Variants in HIVEP2 observed in about 807,000 individuals in gnomAD.
HIVEP2 encodes transcription factor HIVEP2.
A neutral mutation model predicts 180.7 loss-of-function variants in HIVEP2; 14 were observed. The observed-to-expected ratio is 0.08, with a 90% CI of 0.05 to 0.12. The LOEUF (loss-of-function observed/expected upper bound fraction) is 0.12. Among genes scored for constraint, HIVEP2 ranks in the 10% least tolerant of loss-of-function variants. The pLI, the probability that HIVEP2 is intolerant of heterozygous loss-of-function variation, is 1.00. For missense variants in HIVEP2, 2,579 were observed against 3,008.5 expected (o/e 0.86, Z 3.34); for synonymous variants, 1,184 against 1,136.4 (o/e 1.04, Z -0.84).
chr6:142,845,479 C>T (rs1318985353), intron 1 of HIVEP2, among the ~76,000 whole-genome samples: 6 of 152,042 alleles, frequency 3.9e-5, no homozygotes, highest in African/African-American at 1.5e-4. Flanking sequence ...AGGCGTAGTC[C>T]CATTTTTTTC....
chr6:142,804,891 T>C (rs1001212724), intron 2 of HIVEP2, among the ~76,000 whole-genome samples: 2 of 152,092 alleles, frequency 1.3e-5, no homozygotes, highest in African/African-American at 4.8e-5. Context: ...AGATAATTAT[T>C]GTGAATAGAC....
At chr6:142,932,523 G>A (rs576721432) in intron 1 of HIVEP2, among the ~76,000 whole-genome samples, 31 of 152,042 alleles carry the variant, frequency 2.0e-4, no homozygotes, top group Admixed American at 1.4e-3. Flanking sequence ...CTGATCCCTG[G>A]GAAATTAATA....
At position 142,777,785 on chromosome 6, in the gene HIVEP2, T is replaced by C. The variant is rs192841849; in HGVS notation, c.-432-1594A>G. ...TAATTTTTGTTTATTTTTCTTAACA[T>C]GAGCATGTTTATCTTTTTAAATAAA... On this transcript the variant is annotated intron_variant, in intron 3 of 9. Coordinates refer to ENST00000367603, the MANE Select transcript of HIVEP2 (RefSeq NM_006734.4). 9.9e-5 allele frequency among the ~76,000 whole-genome samples: 15 copies of C among 151,978 alleles called. No individual in the cohort carries two copies. The East Asian group carries it at 2.5e-3, about 25-fold the overall frequency.
At chr6:142,823,658 G>C (rs1359292931) in intron 2 of HIVEP2, among the ~76,000 whole-genome samples, 1 of 152,162 alleles carries the variant, frequency 6.6e-6, no homozygotes, top group Admixed American at 6.5e-5. Context: ...TTAATAATTA[G>C]AGCAGCATTT....
chr6:142,759,144 A>T (rs1331720170), intron 9 of HIVEP2, among the ~76,000 whole-genome samples: 2 of 151,780 alleles, frequency 1.3e-5, no homozygotes, highest in Non-Finnish European at 1.5e-5. Flanking sequence ...TCTACCAATA[A>T]ATACAAAAAT....
In HIVEP2 at chr6:142,791,331, CAGAGGG is replaced by C. The variant is rs1294709047; in HGVS notation, c.-527-7722_-527-7717del. ...GCTTGAACAACCAGGAAAGACTAGACAGAGGGAAGGGGCTCAAGTGGAAGCCATGAT... is the reference window on the plus strand; with the variant it reads ...GCTTGAACAACCAGGAAAGACTAGACAAGGGGCTCAAGTGGAAGCCATGAT... On this transcript the variant is annotated intron_variant, in intron 2 of 9. Transcript: ENST00000367603. 5.6e-3 allele frequency among the ~76,000 whole-genome samples: 851 copies of C among 152,262 alleles called. 5 individuals carry two copies. Among genetic ancestry groups the C allele is most frequent in the Non-Finnish European group, 9.3e-3 (631 of 68,008 alleles).
chr6:142,900,842 T>C (rs1199690012), intron 1 of HIVEP2, among the ~76,000 whole-genome samples: 2 of 152,062 alleles, frequency 1.3e-5, no homozygotes, highest in Admixed American at 6.6e-5. Flanking sequence ...TTGAGGTTTT[T>C]CCCCCCAAAC....
chr6:142,818,224 G>C (rs1446299909), intron 2 of HIVEP2, among the ~76,000 whole-genome samples: 1 of 152,114 alleles, frequency 6.6e-6, no homozygotes, highest in Non-Finnish European at 1.5e-5. Context: ...TTTGTCCAAT[G>C]TACAAGCTCC....
At chr6:142,914,221 A>T (rs1777492993) in intron 1 of HIVEP2, among the ~76,000 whole-genome samples, 1 of 152,174 alleles carries the variant, frequency 6.6e-6, no homozygotes, top group South Asian at 2.1e-4. Flanking sequence ...ACCAATTCTA[A>T]GACATAAGCT....
chr6:142,816,090 T>C (rs965973188), intron 2 of HIVEP2, among the ~76,000 whole-genome samples: 1 of 152,240 alleles, frequency 6.6e-6, no homozygotes, highest in Non-Finnish European at 1.5e-5. Flanking sequence ...AATTAAGTGC[T>C]ACTACATTTA....
chr6:142,766,734 T>C (rs1775388494), intron 6 of HIVEP2, among the ~76,000 whole-genome samples: 1 of 152,220 alleles, frequency 6.6e-6, no homozygotes, highest in South Asian at 2.1e-4. Flanking sequence ...ACAACAGTTC[T>C]ACAGGCCCAT....
chr6:142,818,688 G>C (rs1038639726), intron 2 of HIVEP2, among the ~76,000 whole-genome samples: 1 of 38,942 alleles, frequency 2.6e-5, no homozygotes, highest in South Asian at 1.2e-3. Context: ...GAAAGAGAGA[G>C]AGACAAGAAA....
At chr6:142,797,848 G>A (rs576016575) in intron 2 of HIVEP2, among the ~76,000 whole-genome samples, 42 of 151,808 alleles carry the variant, frequency 2.8e-4, no homozygotes, top group African/African-American at 9.9e-4. Flanking sequence ...TACCCTCTAT[G>A]GTTTCAGGCA....
chr6:142,871,376 G>A lies in HIVEP2; in HGVS notation c.-640-34329C>T, dbSNP rs1206736972. Among the ~76,000 whole-genome samples, 3 of 152,040 alleles carry A rather than the reference G, an allele frequency of 2.0e-5. No individual in the cohort carries two copies. The East Asian group carries it at 5.8e-4, about 29-fold the overall frequency. On this transcript the variant is annotated intron_variant, in intron 1 of 9. Transcript: ENST00000367603. The stretch of plus-strand genomic sequence containing the variant: ...ACCAAGGAGAGAACTAGTGCCCAGG[G>A]TTCTTGCTTATTCATTCTACAATGA...
At chr6:142,887,133 C>T (rs954927424) in intron 1 of HIVEP2, among the ~76,000 whole-genome samples, 5 of 151,972 alleles carry the variant, frequency 3.3e-5, no homozygotes, top group African/African-American at 1.2e-4. Flanking sequence ...AGTTCCCAAT[C>T]AACATTCAGC....
chr6:142,795,203 T>A (rs936070374), intron 2 of HIVEP2, among the ~76,000 whole-genome samples: 1 of 152,162 alleles, frequency 6.6e-6, no homozygotes, highest in African/African-American at 2.4e-5. Context: ...ATTAAAAAAT[T>A]GTTTTTAGTT....
chr6:142,768,725 C>G (rs971203425), intron 5 of HIVEP2, among the ~76,000 whole-genome samples, 189 bp from the exon 6 acceptor site: 8 of 151,772 alleles, frequency 5.3e-5, no homozygotes, highest in African/African-American at 1.9e-4. Flanking sequence ...TGAATAAATT[C>G]AACATTCTGT....
chr6:142,807,268 C>T lies in HIVEP2; in HGVS notation c.-527-23653G>A, dbSNP rs554242987. ...ACAGGTAAGCTGAAGTCACCTTTCC[C>T]TTTGTGTTTAATTTAAGCAAATAGG... On this transcript the variant is annotated intron_variant, in intron 2 of 9. Transcript: ENST00000367603. 2.0e-5 allele frequency among the ~76,000 whole-genome samples: 3 copies of T among 152,218 alleles called. No homozygotes were observed. The East Asian group carries it at 5.8e-4, about 29-fold the overall frequency.
intron 2 of HIVEP2, among the ~76,000 whole-genome samples, chr6:142,785,064 A>T (rs566655910): frequency 1.3e-5 from 2 of 151,762 alleles, no homozygotes; most frequent in East Asian, 3.9e-4. Context: ...ATTTTTTTGC[A>T]TTTTTAGTAG....
Sources: gnomAD v4.1 joint callset for allele counts (sites outside exome capture counted in the v4.1 genomes callset) on GRCh38, gnomAD v4.1.1 for gene constraint, MANE v1.5 for transcripts, NCBI Gene and HGNC (gene_info 2026-07-23, HGNC 2026-07-21) for gene names.